Variants in IL34 observed in about 807,000 individuals in gnomAD.
The protein encoded by IL34 is interleukin 34.
A neutral mutation model predicts 25.3 loss-of-function variants in IL34; 17 were observed. The observed-to-expected ratio is 0.67, with a 90% CI of 0.46 to 1.01. IL34 has a LOEUF of 1.01. Ranked by LOEUF, IL34 falls within the 50% of genes least tolerant of loss-of-function variation. IL34 has a pLI of 0.00. For synonymous variants in IL34, 174 were observed against 140.9 expected (o/e 1.23, Z -1.66); for missense variants, 368 against 312.9 (o/e 1.18, Z -1.33).
At position 70,660,424 on chromosome 16, in the gene IL34, G is replaced by GA. The variant is rs1337178344; in HGVS notation, c.*238dup. ...ACCTGGGGACCTGAAGGTGGATGGG[G>GA]ACACAGCTCCTGGCTTCTCCTGGTG... On this transcript the variant is annotated 3_prime_UTR_variant, in exon 6 of 6. Transcript: ENST00000288098. The GA allele has an allele frequency of 1.1e-5, 5 of 464,686 alleles. No homozygotes were observed. The highest frequency in any genetic ancestry group is 8.0e-5 in the African/African-American group (4 of 50,248). The allele number at this position is 464,686 out of a possible 1,614,324, so 28.8% of individuals were successfully genotyped here. A position where few individuals can be genotyped will look rare whatever the true frequency, so the allele number is the denominator to read the frequency against.
rs200413140 is a variant in IL34 at position 70,622,195 on chromosome 16, CTG to C, written c.-400-24350_-400-24349del. ...ATGTCTGACAAAAGGGAAAAAATGA[CTG>C]TGGTGGCCTTCTCAGACCCTGTAGG... On this transcript the variant is annotated intron_variant, in intron 1 of 6. Transcript: ENST00000429149. Among the ~76,000 whole-genome samples the C allele has an allele frequency of 1.1e-4, 17 of 152,164 alleles. No homozygotes were observed. The East Asian group carries it at 3.1e-3, about 28-fold the overall frequency.
At chr16:70,606,121 G>T (rs2050999845) in intron 1 of IL34, among the ~76,000 whole-genome samples, 1 of 152,010 alleles carries the variant, frequency 6.6e-6, no homozygotes, top group African/African-American at 2.4e-5. Context: ...TATTGGCCAG[G>T]CGCAGTGGCT....
At chr16:70,607,536 A>G (rs945284764) in intron 1 of IL34, among the ~76,000 whole-genome samples, 17 of 152,192 alleles carry the variant, frequency 1.1e-4, no homozygotes, top group Non-Finnish European at 2.2e-4. Context: ...AGCTGAATAG[A>G]AGGGATTAGA....
chr16:70,624,100 A>C (rs1266397002), intron 1 of IL34, among the ~76,000 whole-genome samples: 1 of 152,216 alleles, frequency 6.6e-6, no homozygotes, highest in Non-Finnish European at 1.5e-5. Flanking sequence ...CTTGGGCCAG[A>C]GTTCCAGGGG....
chr16:70,640,455 C>A (rs2151861495), intron 1 of IL34, among the ~76,000 whole-genome samples: 1 of 151,978 alleles, frequency 6.6e-6, no homozygotes, highest in African/African-American at 2.4e-5. Flanking sequence ...GAAACCCTGT[C>A]TCTACTAAAA....
intron 1 of IL34, among the ~76,000 whole-genome samples, chr16:70,633,429 A>AC (rs2051564525): frequency 1.3e-5 from 2 of 151,262 alleles, no homozygotes; most frequent in African/African-American, 2.4e-5. Flanking sequence ...AATTAAAAAA[A>AC]ATTATTATTT....
intron 1 of IL34, among the ~76,000 whole-genome samples, chr16:70,641,149 C>T (rs771638866): frequency 6.6e-6 from 1 of 152,078 alleles, no homozygotes; most frequent in East Asian, 1.9e-4. Flanking sequence ...TGGTGCACGC[C>T]TGTAATCATA....
chr16:70,640,389 C>T (rs7200689), intron 1 of IL34, among the ~76,000 whole-genome samples: 4,322 of 152,060 alleles, frequency 0.028, 252 homozygotes, highest in African/African-American at 0.1. Context: ...TTTGGGAGGC[C>T]GAGGTGGGTG....
chr16:70,596,022 A>G (rs902735419), intron 1 of IL34, among the ~76,000 whole-genome samples: 1 of 151,950 alleles, frequency 6.6e-6, no homozygotes, highest in Non-Finnish European at 1.5e-5. Flanking sequence ...AAAAAAAAAA[A>G]AAAGAAAGTT....
chr16:70,620,017 GGTTT>G lies in IL34; in HGVS notation c.-400-26528_-400-26525del, dbSNP rs1178870644. On this transcript the variant is annotated intron_variant, in intron 1 of 6. Coordinates refer to the IL34 transcript ENST00000429149. ...TCTTGTGTGCTGGAGATGTGGCTGG[GGTTT>G]GTCTCACAGTGGAGGCAAGGAATTG... 3.8e-4 allele frequency among the ~76,000 whole-genome samples: 58 copies of G among 152,014 alleles called. No individual in the cohort carries two copies. The South Asian group carries it at 0.011, about 28-fold the overall frequency.
upstream of IL34, among the ~76,000 whole-genome samples, chr16:70,644,779 G>A (rs1168187613): frequency 4.9e-5 from 7 of 143,096 alleles, no homozygotes; most frequent in East Asian, 2.0e-4. Flanking sequence ...GGAGGGAGGA[G>A]GGAGGAAAAG....
chr16:70,622,802 A>G (rs1348854415), intron 1 of IL34, among the ~76,000 whole-genome samples: 1 of 152,044 alleles, frequency 6.6e-6, no homozygotes, highest in East Asian at 1.9e-4. Context: ...TTTGGAAGTT[A>G]TGAGAAATGT....
chr16:70,627,798 G>T (rs2051429639), intron 1 of IL34, among the ~76,000 whole-genome samples: 1 of 152,018 alleles, frequency 6.6e-6, no homozygotes, highest in Admixed American at 6.6e-5. Flanking sequence ...TGGTTTTGCT[G>T]TGTTTTTTTA....
intron 1 of IL34, among the ~76,000 whole-genome samples, chr16:70,629,819 G>T (rs1362374440): frequency 6.6e-6 from 1 of 151,920 alleles, no homozygotes; most frequent in Non-Finnish European, 1.5e-5. Flanking sequence ...AGTGTACATG[G>T]GGTCTCCATT....
intron 1 of IL34, among the ~76,000 whole-genome samples, chr16:70,584,937 G>T (rs2050674497): frequency 6.6e-6 from 1 of 152,150 alleles, no homozygotes; most frequent in South Asian, 2.1e-4. Flanking sequence ...CTGACCTCAG[G>T]CAATCTGCCC....
upstream of IL34, among the ~76,000 whole-genome samples, chr16:70,642,507 AGGCTTGTC>A (rs1447196912): frequency 1.3e-5 from 2 of 152,088 alleles, no homozygotes; most frequent in Non-Finnish European, 2.9e-5. Context: ...CATGTTGGTC[AGGCTTGTC>A]TTGAACTCCT....
At chr16:70,610,681 C>T (rs571052117) in intron 1 of IL34, among the ~76,000 whole-genome samples, 12 of 152,272 alleles carry the variant, frequency 7.9e-5, no homozygotes, top group Admixed American at 2.6e-4. Flanking sequence ...GGCATCTCTA[C>T]GGAGGTGATG....
chr16:70,585,894 C>T (rs1417056899), intron 1 of IL34, among the ~76,000 whole-genome samples: 5 of 146,402 alleles, frequency 3.4e-5, no homozygotes, highest in African/African-American at 1.0e-4. Flanking sequence ...AGTGCAGTGG[C>T]GCAATCTCGG....
At chr16:70,628,492 T>A (rs897838196) in intron 1 of IL34, among the ~76,000 whole-genome samples, 3 of 151,344 alleles carry the variant, frequency 2.0e-5, no homozygotes, top group Non-Finnish European at 4.4e-5. Flanking sequence ...TTTATTTATT[T>A]ATTTTTTTTT....
Sources: gnomAD v4.1 joint callset for allele counts (sites outside exome capture counted in the v4.1 genomes callset) on GRCh38, gnomAD v4.1.1 for gene constraint, MANE v1.5 for transcripts, NCBI Gene and HGNC (gene_info 2026-07-23, HGNC 2026-07-21) for gene names.